Variants in ATP8B4 observed in about 807,000 individuals in gnomAD.
ATP8B4 encodes the protein ATPase phospholipid transporting 8B4 (putative), also known as probable phospholipid-transporting ATPase IM.
Under a neutral mutation model 145.6 loss-of-function variants are expected in ATP8B4, and 133 were observed. That is an observed-to-expected ratio of 0.91 (90% confidence interval 0.79 to 1.05). The LOEUF is 1.05. Ranked by LOEUF, ATP8B4 falls within the 50% of genes least tolerant of loss-of-function variation. The pLI, the probability that ATP8B4 is intolerant of heterozygous loss-of-function variation, is 0.00. For synonymous variants in ATP8B4, 507 were observed against 492.9 expected (o/e 1.03, Z -0.38); for missense variants, 1,458 against 1,425.2 (o/e 1.02, Z -0.37).
At position 49,876,309 on chromosome 15, in the gene ATP8B4, G is replaced by T. The variant is rs750989403; in HGVS notation, c.2996C>A (p.Ala999Asp). The T allele has an allele frequency of 6.2e-7, 1 of 1,614,082 alleles. No homozygotes were observed. The highest frequency in any genetic ancestry group is 8.5e-7 in the Non-Finnish European group (1 of 1,179,974). The change falls in exon 25 of 28, where the codon GCC becomes GAC. Residue 999 changes from alanine to aspartate, a missense_variant. Physicochemically the swap from Ala to Asp is moderately radical, Grantham distance 126. Transcript: ENST00000284509. ...ADYQSFAVTMATSLVIVVSVQ... is the reference protein window; with the variant it reads ...ADYQSFAVTMDTSLVIVVSVQ... ...ACTGACCACAATGACCAAAGATGTG[G>T]CCATGGTAACTGCAAAGGACTGGTA...
intron 1 of ATP8B4, among the ~76,000 whole-genome samples, chr15:50,125,226 C>T (rs2057299446): frequency 6.6e-6 from 1 of 152,180 alleles, no homozygotes; most frequent in African/African-American, 2.4e-5. Flanking sequence ...ATCTCAGAAT[C>T]TCCAAGACCC....
chr15:50,178,568 G>A (rs1187196509), intron 1 of ATP8B4, among the ~76,000 whole-genome samples: 2 of 151,992 alleles, frequency 1.3e-5, no homozygotes, highest in Non-Finnish European at 2.9e-5. Context: ...TCACTGTGTT[G>A]CCCAGTCCAG....
At chr15:50,014,322 A>G (rs1466078536) in intron 6 of ATP8B4, among the ~76,000 whole-genome samples, 1 of 152,124 alleles carries the variant, frequency 6.6e-6, no homozygotes, top group Non-Finnish European at 1.5e-5. Flanking sequence ...TTGCTCATAC[A>G]CTTTTTTTGT....
intron 23 of ATP8B4, among the ~76,000 whole-genome samples, chr15:49,894,006 G>A (rs2037116017): frequency 6.6e-6 from 1 of 152,166 alleles, no homozygotes; most frequent in African/African-American, 2.4e-5. Flanking sequence ...TGACCCCACA[G>A]CATTGATGCC....
At chr15:50,156,789 A>T (rs1162853102) in intron 1 of ATP8B4, among the ~76,000 whole-genome samples, 1 of 152,208 alleles carries the variant, frequency 6.6e-6, no homozygotes, top group East Asian at 1.9e-4. Context: ...AATGTTTGAG[A>T]TTGCCATTCC....
At chr15:50,005,227 C>T (rs1441439405) in intron 7 of ATP8B4, among the ~76,000 whole-genome samples, 1 of 152,140 alleles carries the variant, frequency 6.6e-6, no homozygotes, top group African/African-American at 2.4e-5. Flanking sequence ...TCCCCAACTT[C>T]CATGGGCAAC....
At chr15:50,060,358 C>T (rs1251117283) in intron 3 of ATP8B4, among the ~76,000 whole-genome samples, 2 of 152,176 alleles carry the variant, frequency 1.3e-5, no homozygotes, top group African/African-American at 4.8e-5. Flanking sequence ...CTCATATTCA[C>T]CACAACGAAA....
At chr15:50,115,240 G>C (rs1158194484) in intron 1 of ATP8B4, among the ~76,000 whole-genome samples, 1 of 152,124 alleles carries the variant, frequency 6.6e-6, no homozygotes, top group Non-Finnish European at 1.5e-5. Flanking sequence ...GGAGGCTAAA[G>C]TGGGAGGACC....
chr15:50,173,499 A>T (rs1460194155), intron 1 of ATP8B4, among the ~76,000 whole-genome samples: 1 of 152,142 alleles, frequency 6.6e-6, no homozygotes, highest in Non-Finnish European at 1.5e-5. Flanking sequence ...AAGGCAGCAT[A>T]CTGGTTAAGA....
chr15:50,020,786 A>T (rs1265876829), intron 6 of ATP8B4, among the ~76,000 whole-genome samples: 1 of 152,120 alleles, frequency 6.6e-6, no homozygotes, highest in Non-Finnish European at 1.5e-5. Context: ...CTCAAAATAC[A>T]TCTCAGTCTG....
At chr15:50,072,102 T>C (rs2053781312) in intron 3 of ATP8B4, among the ~76,000 whole-genome samples, 2 of 151,924 alleles carry the variant, frequency 1.3e-5, no homozygotes, top group Non-Finnish European at 2.9e-5. Flanking sequence ...AATGCATTCA[T>C]CTCCATATAT....
chr15:50,095,883 T>TG (rs1378840691), intron 2 of ATP8B4, among the ~76,000 whole-genome samples: 3 of 152,222 alleles, frequency 2.0e-5, no homozygotes, highest in African/African-American at 7.2e-5. Flanking sequence ...GAAATAAAGC[T>TG]GGAAAAACTG....
At chr15:50,146,540 T>C (rs1182817348) in intron 1 of ATP8B4, among the ~76,000 whole-genome samples, 1 of 152,154 alleles carries the variant, frequency 6.6e-6, no homozygotes, top group Non-Finnish European at 1.5e-5. Context: ...GTAAGGTAAG[T>C]TTGTCTTTGG....
chr15:49,972,715 T>A lies in ATP8B4; in HGVS notation c.1110A>T (p.Ile370=). 1 of 1,614,030 alleles carries A rather than the reference T, an allele frequency of 6.2e-7. No individual in the cohort carries two copies. The highest frequency in any genetic ancestry group is 8.5e-7 in the Non-Finnish European group (1 of 1,179,996). ...DRKMYYSRKA[I]PAVARTTTLN... is the part of the protein sequence containing the mutation. ...GCGTGGTCGTTCGAGCCACTGCAGG[T>A]ATTGCTTTTCGAGAATAATACATCT... Residue 370 remains isoleucine (I), a synonymous_variant, in exon 13 of 28, where the codon ATA becomes ATT. Transcript: ENST00000284509.
chr15:50,044,806 G>A (rs954818786), intron 4 of ATP8B4, 114 bp from the exon 5 acceptor site: 6 of 623,184 alleles, frequency 9.6e-6, no homozygotes, highest in Non-Finnish European at 1.6e-5. Flanking sequence ...TGTACAAATG[G>A]AGAATGACTT....
In ATP8B4 at chr15:49,995,283, A is replaced by G. The variant is rs552599057; in HGVS notation, c.589+1394T>C. Among the ~76,000 whole-genome samples the G allele has an allele frequency of 1.3e-3, 203 of 152,318 alleles. 1 individual carries two copies. Among genetic ancestry groups the G allele is most frequent in the African/African-American group, 4.7e-3 (197 of 41,582 alleles). On this transcript the variant is annotated intron_variant, in intron 9 of 27. Transcript: ENST00000284509. ...AAAGAAATGAGTAATAGTAAATTAT[A>G]TTTAGATGGCCTTTTTGGGCCTCCA... is the stretch of plus-strand genomic sequence containing the variant.
chr15:50,083,720 G>A (rs531309007), intron 2 of ATP8B4, among the ~76,000 whole-genome samples: 1 of 152,308 alleles, frequency 6.6e-6, no homozygotes, highest in South Asian at 2.1e-4. Flanking sequence ...GCTATAAACT[G>A]AGTTTCTTTA....
chr15:50,056,093 A>G (rs2052574266), intron 3 of ATP8B4, among the ~76,000 whole-genome samples: 1 of 152,072 alleles, frequency 6.6e-6, no homozygotes, highest in Admixed American at 6.5e-5. Context: ...GACTACACTC[A>G]TCATCACCAC....
At chr15:49,889,042 A>C (rs1202545686) in intron 23 of ATP8B4, among the ~76,000 whole-genome samples, 1 of 152,014 alleles carries the variant, frequency 6.6e-6, no homozygotes, top group East Asian at 1.9e-4. Flanking sequence ...GTGTTTCTGG[A>C]TATTTCTCCT....
Sources: gnomAD v4.1 joint callset for allele counts (sites outside exome capture counted in the v4.1 genomes callset) on GRCh38, gnomAD v4.1.1 for gene constraint, MANE v1.5 for transcripts, NCBI Gene and HGNC (gene_info 2026-07-23, HGNC 2026-07-21) for gene names.